The following TAS2R1 variants were observed in gnomAD, a reference collection of about 807,000 sequenced individuals.
TAS2R1 encodes taste receptor type 2 member 1.
For missense variants in TAS2R1, 370 were observed against 353.4 expected, an observed-to-expected ratio of 1.05 and a Z score of -0.38; for synonymous variants, 141 against 134.2, an observed-to-expected ratio of 1.05 and a Z score of -0.35.
the TAS2R1 span, among the ~76,000 whole-genome samples, chr5:9,805,961 C>A: frequency 6.6e-6 from 1 of 152,078 alleles, no homozygotes; most frequent in Non-Finnish European, 1.5e-5. Context: ...CAAACTGTGA[C>A]TGTTTGCTGA....
chr5:9,735,289 T>C, the TAS2R1 span, among the ~76,000 whole-genome samples: 1 of 151,474 alleles, frequency 6.6e-6, no homozygotes, highest in Admixed American at 6.6e-5. Context: ...ACATCTTGAT[T>C]TACTAACCTA....
At chr5:9,689,630 GCTTGAGAGT>G (rs1365211287) in intron 1 of TAS2R1, among the ~76,000 whole-genome samples, 10 of 151,786 alleles carry the variant, frequency 6.6e-5, no homozygotes, top group African/African-American at 1.9e-4. Context: ...CATTTTTCAG[GCTTGAGAGT>G]CTTTTGTTTG....
the TAS2R1 span, among the ~76,000 whole-genome samples, chr5:9,891,569 C>T: frequency 6.6e-6 from 1 of 151,974 alleles, no homozygotes; most frequent in Non-Finnish European, 1.5e-5. Context: ...ATTGGCCCTC[C>T]CTCTGCTAAG....
At chr5:9,780,702 C>T in the TAS2R1 span, among the ~76,000 whole-genome samples, 45 of 152,238 alleles carry the variant, frequency 3.0e-4, no homozygotes, top group African/African-American at 9.9e-4. Context: ...CGCGCGCGCG[C>T]GCATGCACGC....
chr5:9,829,463 C>T, the TAS2R1 span, among the ~76,000 whole-genome samples: 1 of 152,108 alleles, frequency 6.6e-6, no homozygotes, highest in Non-Finnish European at 1.5e-5. Flanking sequence ...ATCTTTGTGA[C>T]CATAGACAAG....
At chr5:9,708,356 C>T (rs1171749319) in intron 1 of TAS2R1, among the ~76,000 whole-genome samples, 2 of 152,218 alleles carry the variant, frequency 1.3e-5, no homozygotes, top group Non-Finnish European at 2.9e-5. Flanking sequence ...ATTTTCATCT[C>T]TCCTACATGG....
At chr5:9,810,370 A>G in the TAS2R1 span, among the ~76,000 whole-genome samples, 1 of 152,238 alleles carries the variant, frequency 6.6e-6, no homozygotes, top group Non-Finnish European at 1.5e-5. Context: ...CCATGTGAAT[A>G]TAGAAACTTC....
chr5:9,710,454 G>C (rs1741707030), intron 1 of TAS2R1, among the ~76,000 whole-genome samples: 1 of 152,176 alleles, frequency 6.6e-6, no homozygotes, highest in Non-Finnish European at 1.5e-5. Flanking sequence ...AGTTATGTCT[G>C]AGACATAGTT....
chr5:9,695,093 A>G (rs576296318), intron 1 of TAS2R1, among the ~76,000 whole-genome samples: 1 of 152,206 alleles, frequency 6.6e-6, no homozygotes, highest in Non-Finnish European at 1.5e-5. Context: ...CTATCTAAAA[A>G]GGAAGGAAGA....
the TAS2R1 span, among the ~76,000 whole-genome samples, chr5:9,874,772 A>C: frequency 0.013 from 1,974 of 152,254 alleles, 42 homozygotes; most frequent in African/African-American, 0.045. Context: ...CAATAACTCC[A>C]TCTCTTTCAA....
chr5:9,814,091 G>C, the TAS2R1 span, among the ~76,000 whole-genome samples: 1 of 152,122 alleles, frequency 6.6e-6, no homozygotes, highest in African/African-American at 2.4e-5. Context: ...CATCATTACA[G>C]GTAAAGTACT....
At chr5:9,817,365 G>A in the TAS2R1 span, among the ~76,000 whole-genome samples, 2 of 152,136 alleles carry the variant, frequency 1.3e-5, no homozygotes, top group African/African-American at 4.8e-5. Flanking sequence ...CTTGGAAAAA[G>A]TTTGACTTTT....
At chr5:9,725,757 G>T in the TAS2R1 span, among the ~76,000 whole-genome samples, 2 of 152,374 alleles carry the variant, frequency 1.3e-5, no homozygotes, top group African/African-American at 4.8e-5. Flanking sequence ...TGCAGCTCCA[G>T]TGCGGGATCC....
At chr5:9,818,698 C>T in the TAS2R1 span, among the ~76,000 whole-genome samples, 2 of 152,188 alleles carry the variant, frequency 1.3e-5, no homozygotes. Flanking sequence ...CTGCACAGGC[C>T]ACTTCATCCA....
upstream of TAS2R1, chr5:9,714,231 G>A (rs527854241): frequency 6.6e-6 from 1 of 152,272 alleles, no homozygotes; most frequent in Non-Finnish European, 1.5e-5. Flanking sequence ...TCTTTACTTG[G>A]TATTGCATCT....
chr5:9,756,969 T>C, the TAS2R1 span, among the ~76,000 whole-genome samples: 17 of 152,290 alleles, frequency 1.1e-4, no homozygotes, highest in Non-Finnish European at 1.8e-4. Context: ...ATCAAGGACA[T>C]AATAAAGTCA....
the TAS2R1 span, among the ~76,000 whole-genome samples, chr5:9,882,903 C>T: frequency 6.6e-6 from 1 of 152,242 alleles, no homozygotes; most frequent in African/African-American, 2.4e-5. Flanking sequence ...ATAAATCATT[C>T]TATTAAAAAG....
the TAS2R1 span, among the ~76,000 whole-genome samples, chr5:9,789,045 T>C: frequency 2.0e-5 from 3 of 152,118 alleles, no homozygotes; most frequent in African/African-American, 4.8e-5. Context: ...CTCCTCCTAC[T>C]TAACAACCTC....
chr5:9,777,265 C>A, the TAS2R1 span, among the ~76,000 whole-genome samples: 1 of 152,148 alleles, frequency 6.6e-6, no homozygotes, highest in East Asian at 1.9e-4. Context: ...GGAATCAATC[C>A]CCTCAAACCC....
Sources: gnomAD v4.1 joint callset for allele counts (sites outside exome capture counted in the v4.1 genomes callset) on GRCh38, gnomAD v4.1.1 for gene constraint, MANE v1.5 for transcripts, NCBI Gene and HGNC (gene_info 2026-07-23, HGNC 2026-07-21) for gene names.